The following KCND2 variants were observed in gnomAD, a reference collection of about 807,000 sequenced individuals.
The protein encoded by KCND2 is A-type voltage-gated potassium channel KCND2.
Under a neutral mutation model 54.4 loss-of-function variants are expected in KCND2, and 16 were observed. The observed-to-expected ratio is 0.29, with a 90% CI of 0.20 to 0.45. The LOEUF (loss-of-function observed/expected upper bound fraction) is 0.45, where lower values mean the gene tolerates loss of function less well. Among genes scored for constraint, KCND2 ranks in the 20% least tolerant of loss-of-function variants. The pLI, the probability that KCND2 is intolerant of heterozygous loss-of-function variation, is 1.00. For synonymous variants in KCND2, 317 were observed against 310.7 expected (o/e 1.02, Z -0.21); for missense variants, 486 against 824.2 (o/e 0.59, Z 5.02).
At chr7:120,654,559 A>G (rs1791776954) in intron 1 of KCND2, among the ~76,000 whole-genome samples, 1 of 152,218 alleles carries the variant, frequency 6.6e-6, no homozygotes, top group Admixed American at 6.5e-5. Context: ...TAAAAGGTTA[A>G]AAACCACATA....
In KCND2 at chr7:120,747,975, G is replaced by C. The variant is rs535752533; in HGVS notation, c.*117G>C. On this transcript the variant is annotated 3_prime_UTR_variant, in exon 6 of 6. Transcript: ENST00000331113. The stretch of plus-strand genomic sequence containing the variant: ...ATTAATGCAGCAAAGAAAGAAGGTT[G>C]GTAGTGAAACACAAAGCTTCCAATC... The C allele has an allele frequency of 1.0e-4, 86 of 854,690 alleles. No homozygotes were observed. In the East Asian group the frequency reaches 1.8e-3, roughly 18 times the overall value. 52.9% of individuals were successfully genotyped at this position (854,690 alleles called of 1,614,324 possible).
At chr7:120,588,923 A>G (rs899687655) in intron 1 of KCND2, among the ~76,000 whole-genome samples, 3 of 152,230 alleles carry the variant, frequency 2.0e-5, no homozygotes, top group African/African-American at 4.8e-5. Context: ...AGGTTTCAGA[A>G]CATCATCTCT....
chr7:120,506,914 T>C (rs1193961958), intron 1 of KCND2, among the ~76,000 whole-genome samples: 1 of 151,812 alleles, frequency 6.6e-6, no homozygotes, highest in Non-Finnish European at 1.5e-5. Context: ...GTCATCCTTT[T>C]ATTTATTTAT....
At chr7:120,351,049 T>C (rs1168717181) in intron 1 of KCND2, among the ~76,000 whole-genome samples, 5 of 151,816 alleles carry the variant, frequency 3.3e-5, no homozygotes, top group Non-Finnish European at 7.4e-5. Flanking sequence ...GTTTTTTTGG[T>C]TAAAACCTTA....
intron 1 of KCND2, among the ~76,000 whole-genome samples, chr7:120,348,527 C>A (rs918807573): frequency 2.0e-5 from 3 of 152,188 alleles, no homozygotes; most frequent in Non-Finnish European, 2.9e-5. Flanking sequence ...AAGACAGGAA[C>A]ACTAACTACC....
At chr7:120,607,175 A>G (rs770189459) in intron 1 of KCND2, among the ~76,000 whole-genome samples, 25 of 114,372 alleles carry the variant, frequency 2.2e-4, no homozygotes, top group Non-Finnish European at 4.2e-4. Flanking sequence ...AATTTTTCTT[A>G]TGCAGATTAA....
intron 1 of KCND2, among the ~76,000 whole-genome samples, chr7:120,538,759 G>A (rs541488863): frequency 1.2e-4 from 19 of 152,252 alleles, no homozygotes; most frequent in African/African-American, 4.3e-4. Flanking sequence ...AACCCCATGG[G>A]CAGGAGGCCG....
At chr7:120,580,155 C>T (rs762250967) in intron 1 of KCND2, among the ~76,000 whole-genome samples, 10 of 152,196 alleles carry the variant, frequency 6.6e-5, no homozygotes, top group Non-Finnish European at 4.4e-5. Context: ...GCATAACCCT[C>T]TTACTCTTTA....
At chr7:120,581,340 A>G (rs1241608925) in intron 1 of KCND2, among the ~76,000 whole-genome samples, 1 of 152,210 alleles carries the variant, frequency 6.6e-6, no homozygotes, top group African/African-American at 2.4e-5. Context: ...GTTTTATATC[A>G]TAGGACGTTC....
intron 1 of KCND2, among the ~76,000 whole-genome samples, chr7:120,397,815 C>G (rs62471555): frequency 0.1 from 15,393 of 150,996 alleles, 826 homozygotes; most frequent in Admixed American, 0.13. Context: ...ACTTTTCTAC[C>G]TATTTAAATA....
chr7:120,407,522 C>G (rs1446058218), intron 1 of KCND2, among the ~76,000 whole-genome samples: 1 of 151,920 alleles, frequency 6.6e-6, no homozygotes, highest in Non-Finnish European at 1.5e-5. Context: ...CATCACTAAC[C>G]AGCTATGTGG....
At chr7:120,383,359 T>C (rs1584755788) in intron 1 of KCND2, among the ~76,000 whole-genome samples, 1 of 152,014 alleles carries the variant, frequency 6.6e-6, no homozygotes, top group Non-Finnish European at 1.5e-5. Flanking sequence ...CACCTTATAG[T>C]CGTTAATTTA....
chr7:120,437,477 C>T (rs766659512), intron 1 of KCND2, among the ~76,000 whole-genome samples: 6 of 152,052 alleles, frequency 3.9e-5, no homozygotes, highest in Non-Finnish European at 8.8e-5. Flanking sequence ...GCTAGGATTA[C>T]AGGCATAAGC....
chr7:120,418,209 A>AGT (rs1454752525), intron 1 of KCND2, among the ~76,000 whole-genome samples: 1 of 152,156 alleles, frequency 6.6e-6, no homozygotes, highest in Non-Finnish European at 1.5e-5. Flanking sequence ...GATCTGGGCA[A>AGT]GCATTTATCT....
intron 1 of KCND2, among the ~76,000 whole-genome samples, chr7:120,559,839 T>C (rs912272415): frequency 1.3e-5 from 2 of 152,160 alleles, no homozygotes; most frequent in Middle Eastern, 3.2e-3. Context: ...TGAATTGATT[T>C]TCTCTTAACC....
intron 1 of KCND2, among the ~76,000 whole-genome samples, chr7:120,452,332 A>G (rs941954421): frequency 1.4e-4 from 22 of 152,218 alleles, no homozygotes; most frequent in Non-Finnish European, 2.8e-4. Context: ...GGAAAGATTG[A>G]GTGAAATAAG....
chr7:120,489,354 A>T (rs1488794508), intron 1 of KCND2, among the ~76,000 whole-genome samples: 3 of 151,936 alleles, frequency 2.0e-5, no homozygotes, highest in Non-Finnish European at 4.4e-5. Flanking sequence ...ATACAAATTT[A>T]AAAATTAATA....
At chr7:120,417,330 T>C (rs1229495104) in intron 1 of KCND2, among the ~76,000 whole-genome samples, 2 of 152,310 alleles carry the variant, frequency 1.3e-5, no homozygotes, top group South Asian at 4.1e-4. Flanking sequence ...TACAGAATCA[T>C]ACATGTGCTT....
intron 1 of KCND2, among the ~76,000 whole-genome samples, chr7:120,592,267 G>C (rs1416323277): frequency 1.3e-5 from 2 of 152,158 alleles, no homozygotes; most frequent in East Asian, 3.8e-4. Flanking sequence ...AAGCAAATAA[G>C]GCTGGGTGCA....
Sources: gnomAD v4.1 joint callset for allele counts (sites outside exome capture counted in the v4.1 genomes callset) on GRCh38, gnomAD v4.1.1 for gene constraint, MANE v1.5 for transcripts, NCBI Gene and HGNC (gene_info 2026-07-23, HGNC 2026-07-21) for gene names.